ZMYM2: variants seen among roughly 807,000 people sequenced by gnomAD.
ZMYM2 encodes the protein zinc finger MYM-type containing 2.
A neutral mutation model predicts 162.8 loss-of-function variants in ZMYM2; 56 were observed. That is an observed-to-expected ratio of 0.34 (90% CI 0.28 to 0.43). The LOEUF (loss-of-function observed/expected upper bound fraction) is 0.43. Ranked by LOEUF, ZMYM2 falls within the 20% of genes least tolerant of loss-of-function variation. ZMYM2 has a pLI of 1.00. For synonymous variants in ZMYM2, 510 were observed against 541.6 expected (o/e 0.94, Z 0.81); for missense variants, 1,275 against 1,621.8 (o/e 0.79, Z 3.67).
the ZMYM2 span, among the ~76,000 whole-genome samples, chr13:19,891,149 A>G: frequency 0.1 from 15,513 of 151,882 alleles, 1,007 homozygotes; most frequent in Middle Eastern, 0.14. Flanking sequence ...AGGTTAAGTG[A>G]AGTCATAAGG....
the ZMYM2 span, among the ~76,000 whole-genome samples, chr13:19,939,492 T>A: frequency 6.6e-6 from 1 of 152,224 alleles, no homozygotes; most frequent in African/African-American, 2.4e-5. Flanking sequence ...TACTAATTTA[T>A]ACTTCAACTG....
the ZMYM2 span, among the ~76,000 whole-genome samples, chr13:19,938,352 CA>C: frequency 6.6e-6 from 1 of 151,936 alleles, no homozygotes; most frequent in Non-Finnish European, 1.5e-5. Flanking sequence ...ACTAAAAATA[CA>C]AAAAAATTAG....
chr13:20,050,451 C>T (rs999532491), intron 12 of ZMYM2, among the ~76,000 whole-genome samples: 3 of 151,932 alleles, frequency 2.0e-5, no homozygotes, highest in African/African-American at 7.2e-5. Context: ...CTACAAAATA[C>T]TTAACAGTTA....
In ZMYM2 at chr13:20,088,734, T is replaced by G. The variant is rs1958405085; in HGVS notation, c.*2720T>G. The G allele has an allele frequency of 5.1e-6, 1 of 195,862 alleles. No homozygotes were observed. Among genetic ancestry groups the G allele is most frequent in the African/African-American group, 2.3e-5 (1 of 43,254 alleles). The allele number at this position is 195,862 out of a possible 1,614,324, so 12.1% of individuals were successfully genotyped here. The stretch of plus-strand genomic sequence containing the variant: ...CATTGAAGTAGGAGGAGGATGCATA[T>G]TGTACTATGCATTCAAATTTATCAC... On this transcript the variant is annotated 3_prime_UTR_variant, in exon 25 of 25. Transcript: ENST00000610343.
the ZMYM2 span, among the ~76,000 whole-genome samples, chr13:19,911,667 A>T: frequency 9.5e-4 from 144 of 152,266 alleles, no homozygotes; most frequent in Non-Finnish European, 1.6e-3. Context: ...GAAGTCCATC[A>T]TCTCACAGTG....
the ZMYM2 span, among the ~76,000 whole-genome samples, chr13:19,934,264 A>C: frequency 6.6e-6 from 1 of 151,932 alleles, no homozygotes; most frequent in Non-Finnish European, 1.5e-5. Flanking sequence ...GGGTTCAAGC[A>C]ATTCTCCTGC....
At chr13:19,974,299 C>CT (rs1336497407) in intron 2 of ZMYM2, among the ~76,000 whole-genome samples, 3 of 152,186 alleles carry the variant, frequency 2.0e-5, no homozygotes, top group Non-Finnish European at 4.4e-5. Flanking sequence ...GCTGTTTACA[C>CT]TTAATTTATA....
At chr13:19,869,130 A>G in the ZMYM2 span, among the ~76,000 whole-genome samples, 1 of 152,204 alleles carries the variant, frequency 6.6e-6, no homozygotes, top group Non-Finnish European at 1.5e-5. Flanking sequence ...CCACAATACA[A>G]TTAATAAAAA....
At chr13:19,943,279 T>C in the ZMYM2 span, among the ~76,000 whole-genome samples, 2 of 152,206 alleles carry the variant, frequency 1.3e-5, no homozygotes, top group African/African-American at 4.8e-5. Flanking sequence ...ATTAGGGCTC[T>C]TCCTAATGAC....
intron 1 of ZMYM2, among the ~76,000 whole-genome samples, chr13:19,959,662 C>T (rs1954959552): frequency 6.6e-6 from 1 of 152,110 alleles, no homozygotes; most frequent in African/African-American, 2.4e-5. Context: ...TTGCTGGCGT[C>T]GAGGCAACGT....
chr13:19,906,800 A>G, the ZMYM2 span, among the ~76,000 whole-genome samples: 5 of 152,188 alleles, frequency 3.3e-5, no homozygotes, highest in Non-Finnish European at 5.9e-5. Flanking sequence ...GGCTCAAGCA[A>G]TCCTCCCACC....
the ZMYM2 span, among the ~76,000 whole-genome samples, chr13:19,941,877 G>A: frequency 6.6e-6 from 1 of 151,632 alleles, no homozygotes; most frequent in Non-Finnish European, 1.5e-5. Flanking sequence ...CTTCTGAGTG[G>A]TTGGGACGCC....
chr13:19,897,508 C>T, the ZMYM2 span, among the ~76,000 whole-genome samples: 2 of 151,710 alleles, frequency 1.3e-5, no homozygotes, highest in Non-Finnish European at 2.9e-5. Flanking sequence ...GGTAAGTGGG[C>T]AGGCGCCGTG....
At chr13:19,934,411 G>GC in the ZMYM2 span, among the ~76,000 whole-genome samples, 1 of 152,180 alleles carries the variant, frequency 6.6e-6, no homozygotes, top group Non-Finnish European at 1.5e-5. Flanking sequence ...GCCCACCTCG[G>GC]CCTCCCAAAG....
chr13:19,876,224 A>G, the ZMYM2 span, among the ~76,000 whole-genome samples: 1 of 152,110 alleles, frequency 6.6e-6, no homozygotes, highest in East Asian at 1.9e-4. Flanking sequence ...ACGAGGTTTC[A>G]CCATGTTGGC....
intron 2 of ZMYM2, among the ~76,000 whole-genome samples, chr13:19,985,157 T>C (rs1949031247): frequency 6.6e-6 from 1 of 152,194 alleles, no homozygotes; most frequent in African/African-American, 2.4e-5. Flanking sequence ...GGGGTTTCAC[T>C]CTGTTGCCCA....
At chr13:19,967,288 T>C (rs890199423) in intron 2 of ZMYM2, among the ~76,000 whole-genome samples, 1 of 152,192 alleles carries the variant, frequency 6.6e-6, no homozygotes, top group Admixed American at 6.5e-5. Flanking sequence ...GATCATGATA[T>C]GTGAGTATGG....
intron 2 of ZMYM2, among the ~76,000 whole-genome samples, chr13:19,970,534 A>G (rs751421616): frequency 1.3e-5 from 2 of 148,440 alleles, no homozygotes; most frequent in Non-Finnish European, 3.0e-5. Flanking sequence ...TGATTGTCCT[A>G]TGCACACAAG....
the ZMYM2 span, among the ~76,000 whole-genome samples, chr13:19,866,172 A>T: frequency 6.6e-6 from 1 of 152,026 alleles, no homozygotes; most frequent in Non-Finnish European, 1.5e-5. Context: ...CAGTGAGCCG[A>T]GACTGCATCA....
Sources: gnomAD v4.1 joint callset for allele counts (sites outside exome capture counted in the v4.1 genomes callset) on GRCh38, gnomAD v4.1.1 for gene constraint, MANE v1.5 for transcripts, NCBI Gene and HGNC (gene_info 2026-07-23, HGNC 2026-07-21) for gene names.